MYO3A: variants seen among roughly 807,000 people sequenced by gnomAD.
The protein encoded by MYO3A is myosin-IIIa.
Under a neutral mutation model 192.7 loss-of-function variants are expected in MYO3A, and 180 were observed. The ratio of observed to expected loss-of-function variants is 0.93; its 90% CI spans 0.83 to 1.06. MYO3A has a LOEUF of 1.06. MYO3A is among the 50% of genes least tolerant of loss of function. MYO3A has a pLI of 0.00. For synonymous variants in MYO3A, 628 were observed against 645.3 expected, an observed-to-expected ratio of 0.97 and a Z score of 0.41; for missense variants, 1,896 against 1,905.0, an observed-to-expected ratio of 1.00 and a Z score of 0.09.
At chr10:26,106,269 G>A (rs1184693838) in intron 17 of MYO3A, among the ~76,000 whole-genome samples, 7 of 151,914 alleles carry the variant, frequency 4.6e-5, no homozygotes, top group African/African-American at 1.7e-4. Context: ...AGCGACTTAT[G>A]TACTTTTTGT....
chr10:26,198,762 A>G (rs1843538206), intron 32 of MYO3A, among the ~76,000 whole-genome samples: 1 of 152,184 alleles, frequency 6.6e-6, no homozygotes, highest in South Asian at 2.1e-4. Context: ...TATTCTTTAA[A>G]GGCCTCCTCA....
At chr10:26,154,293 T>C (rs991817228) in intron 24 of MYO3A, among the ~76,000 whole-genome samples, 1 of 152,144 alleles carries the variant, frequency 6.6e-6, no homozygotes, top group Non-Finnish European at 1.5e-5. Context: ...GTGATTCTCC[T>C]GCCTCAGCCT....
intron 17 of MYO3A, among the ~76,000 whole-genome samples, chr10:26,097,485 C>G (rs948060058): frequency 1.3e-5 from 2 of 152,010 alleles, no homozygotes; most frequent in African/African-American, 4.8e-5. Context: ...GTGCTGCACA[C>G]ATTAACTCGT....
In MYO3A at chr10:26,168,859, A is replaced by G. The variant is rs1355050159; in HGVS notation, c.3259A>G (p.Ile1087Val). 1.2e-6 allele frequency: 2 copies of G among 1,610,594 alleles called. No individual in the cohort carries two copies. Among genetic ancestry groups the G allele is most frequent in the Non-Finnish European group, 1.7e-6 (2 of 1,178,804 alleles). Residue 1087 changes from isoleucine to valine, a missense_variant, in exon 28 of 35, where the codon ATA becomes GTA. By Grantham distance (29) the Ile-to-Val change is conservative (BLOSUM62 3). Transcript: ENST00000642920. ...ACAGGAGAAAAGGAAAGAAAGCGCTATAATAATACAGTCAGGTAATCTCTT... is the reference window on the plus strand; with the variant it reads ...ACAGGAGAAAAGGAAAGAAAGCGCTGTAATAATACAGTCAGGTAATCTCTT... The part of the protein sequence containing the change: ...KIQEKRKESA[I>V]IIQSAARGHL...
intron 32 of MYO3A, among the ~76,000 whole-genome samples, chr10:26,199,448 A>G (rs1843577025): frequency 6.6e-6 from 1 of 152,104 alleles, no homozygotes; most frequent in African/African-American, 2.4e-5. Context: ...AGCTACAAGG[A>G]TGGCTAAGGT....
chr10:26,205,603 CTTTTCTTTTTTT>C (rs1843886303), intron 34 of MYO3A, among the ~76,000 whole-genome samples: 1 of 99,356 alleles, frequency 1.0e-5, no homozygotes, highest in Middle Eastern at 5.4e-3. Context: ...GATTTCTTTT[CTTTTCTTTTTTT>C]TTTTTTTTTT....
chr10:26,194,784 T>C (rs984375369), intron 32 of MYO3A, among the ~76,000 whole-genome samples: 2 of 152,236 alleles, frequency 1.3e-5, no homozygotes, highest in Non-Finnish European at 2.9e-5. Flanking sequence ...GATTTCTGAA[T>C]CTTGATCGCT....
chr10:26,104,377 A>T (rs538474887), intron 17 of MYO3A, among the ~76,000 whole-genome samples: 145 of 152,240 alleles, frequency 9.5e-4, no homozygotes, highest in African/African-American at 3.5e-3. Flanking sequence ...GCATATTGTG[A>T]AGTAGGGATC....
At chr10:26,062,843 C>T (rs1455700212) in intron 10 of MYO3A, among the ~76,000 whole-genome samples, 1 of 151,766 alleles carries the variant, frequency 6.6e-6, no homozygotes, top group Non-Finnish European at 1.5e-5. Flanking sequence ...GTGGCACTTC[C>T]ACCCTGGAAA....
chr10:26,182,660 T>G (rs1842666332), intron 31 of MYO3A, among the ~76,000 whole-genome samples: 1 of 152,210 alleles, frequency 6.6e-6, no homozygotes. Flanking sequence ...ATATAAATTT[T>G]TTAAATAAAT....
At chr10:25,968,439 G>C (rs1838397705) in intron 4 of MYO3A, among the ~76,000 whole-genome samples, 1 of 152,122 alleles carries the variant, frequency 6.6e-6, no homozygotes, top group African/African-American at 2.4e-5. Context: ...AATGATTCCA[G>C]GTGAAAAGTC....
At chr10:26,004,458 T>C (rs11014899) in intron 6 of MYO3A, among the ~76,000 whole-genome samples, 14,300 of 151,410 alleles carry the variant, frequency 0.094, 1,190 homozygotes, top group African/African-American at 0.21. Flanking sequence ...TATAAACATA[T>C]AAAAATAAAT....
At chr10:26,031,529 C>G (rs1842801190) in intron 10 of MYO3A, among the ~76,000 whole-genome samples, 3 of 152,228 alleles carry the variant, frequency 2.0e-5, no homozygotes, top group Non-Finnish European at 1.5e-5. Context: ...CACTTGGTCT[C>G]AGCTCACTTC....
intron 4 of MYO3A, among the ~76,000 whole-genome samples, chr10:25,962,383 C>T (rs1304057890): frequency 6.6e-6 from 1 of 152,096 alleles, no homozygotes; most frequent in Non-Finnish European, 1.5e-5. Context: ...TAAAAGGGCA[C>T]TAGTTGCTGG....
chr10:26,139,352 T>TG (rs11427007), intron 20 of MYO3A, among the ~76,000 whole-genome samples: 99,558 of 151,622 alleles, frequency 0.66, 33,075 homozygotes, highest in Middle Eastern at 0.74. Context: ...GTGATTTTCT[T>TG]TCTCAGCCTC....
At chr10:26,132,795 T>C (rs890290853) in intron 20 of MYO3A, among the ~76,000 whole-genome samples, 1 of 152,162 alleles carries the variant, frequency 6.6e-6, no homozygotes, top group African/African-American at 2.4e-5. Context: ...CAGGAAACTA[T>C]TACTATTTAC....
At chr10:26,062,752 C>G (rs1564510197) in intron 10 of MYO3A, among the ~76,000 whole-genome samples, 1 of 151,944 alleles carries the variant, frequency 6.6e-6, no homozygotes, top group East Asian at 1.9e-4. Context: ...GGAAAGGAAG[C>G]TTCTGATGGC....
chr10:25,991,347 T>A (rs1425627154), intron 4 of MYO3A, among the ~76,000 whole-genome samples: 1 of 152,178 alleles, frequency 6.6e-6, no homozygotes, highest in African/African-American at 2.4e-5. Flanking sequence ...TTCGCCCACT[T>A]GTTGATGGGG....
At chr10:26,092,478 A>G (rs1427847840) in intron 15 of MYO3A, among the ~76,000 whole-genome samples, 1 of 151,352 alleles carries the variant, frequency 6.6e-6, no homozygotes, top group African/African-American at 2.4e-5. Flanking sequence ...AAAAAAAAGA[A>G]TGCAAACCTT....
Sources: allele counts gnomAD v4.1 joint callset (sites outside exome capture counted in the v4.1 genomes callset), GRCh38; gene constraint gnomAD v4.1.1; transcripts MANE v1.5; gene names NCBI Gene and HGNC (gene_info 2026-07-23, HGNC 2026-07-21).